TRMT2B: variants seen among roughly 807,000 people sequenced by gnomAD.
TRMT2B encodes tRNA (uracil-5-)-methyltransferase homolog B.
A neutral mutation model predicts 39.7 loss-of-function variants in TRMT2B; 34 were observed. The observed-to-expected ratio is 0.86, with a 90% CI of 0.65 to 1.14. The LOEUF (loss-of-function observed/expected upper bound fraction) is 1.14. TRMT2B is among the 50% of genes most tolerant of loss of function. The pLI is 0.00. For synonymous variants in TRMT2B, 132 were observed against 137.3 expected (o/e 0.96, Z 0.27); for missense variants, 318 against 377.2 (o/e 0.84, Z 1.30).
intron 2 of TRMT2B, among the ~76,000 whole-genome samples, chrX:101,047,172 G>A (rs1284369869): frequency 9.6e-6 from 1 of 104,000 alleles, no homozygotes. Flanking sequence ...CCATGATCAT[G>A]CTCCAGCCTG....
chrX:101,040,368 A>G (rs1255991259), intron 4 of TRMT2B, among the ~76,000 whole-genome samples: 2 of 110,504 alleles, frequency 1.8e-5, no homozygotes, highest in African/African-American at 6.6e-5. Flanking sequence ...AGTCAGATGG[A>G]AAGTTCTAAC....
chrX:101,005,087 T>C, downstream of TRMT2B, among the ~76,000 whole-genome samples: 1 of 110,789 alleles, frequency 9.0e-6, no homozygotes, highest in Non-Finnish European at 1.9e-5. Context: ...GAGGAGATCA[T>C]TCTAGATTAA....
At position 101,020,671 on chromosome X, in the gene TRMT2B, AGTTT is replaced by A. The variant is rs1031449939; in HGVS notation, c.1067-87_1067-84del. On this transcript the variant is annotated intron_variant, in intron 10 of 13. Transcript: ENST00000372936. The stretch of plus-strand genomic sequence containing the variant: ...GTTTGTTTTTTGTTTAGTTTAGTTT[AGTTT>A]GTTTGTTTGTTTTAAACAGGGTCTC... 51 of 786,747 alleles carry A rather than the reference AGTTT, an allele frequency of 6.5e-5. 1 individual carries two copies. The highest frequency in any genetic ancestry group is 3.9e-4 in the South Asian group (18 of 46,400). The allele number at this position is 786,747 out of a possible 1,213,427, so 64.8% of individuals were successfully genotyped here. A position where few individuals can be genotyped will look rare whatever the true frequency, so the allele number is the denominator to read the frequency against.
chrX:101,022,416 T>C (rs747400448), intron 8 of TRMT2B, among the ~76,000 whole-genome samples: 2 of 110,159 alleles, frequency 1.8e-5, no homozygotes, highest in Non-Finnish European at 1.9e-5. Context: ...AGGTCAGGAG[T>C]TCCAGACCAG....
chrX:101,028,082 C>A (rs1357414477), intron 7 of TRMT2B, among the ~76,000 whole-genome samples: 1 of 107,371 alleles, frequency 9.3e-6, no homozygotes, highest in Admixed American at 1.0e-4. Flanking sequence ...CAAAAAATGT[C>A]CTTGTTAGAG....
chrX:101,016,083 A>C (rs1278886199), intron 13 of TRMT2B, among the ~76,000 whole-genome samples: 1 of 111,700 alleles, frequency 9.0e-6, no homozygotes, highest in Non-Finnish European at 1.9e-5. Flanking sequence ...AAAACAAAAC[A>C]AAACAAAAAA....
chrX:100,984,291 G>GA, the TRMT2B span, among the ~76,000 whole-genome samples: 1 of 100,978 alleles, frequency 9.9e-6, no homozygotes. Context: ...GTTGTTTTTT[G>GA]TTTTTTTTTT....
At chrX:101,034,333 G>A (rs1349849038) in intron 7 of TRMT2B, among the ~76,000 whole-genome samples, 2 of 107,059 alleles carry the variant, frequency 1.9e-5, no homozygotes, top group African/African-American at 6.8e-5. Context: ...GTAGAGATGG[G>A]GTTTAGCCAT....
At chrX:101,034,702 G>A (rs1325426062) in intron 7 of TRMT2B, among the ~76,000 whole-genome samples, 1 of 111,543 alleles carries the variant, frequency 9.0e-6, no homozygotes, top group Non-Finnish European at 1.9e-5. Context: ...ACTACAGAGT[G>A]GAATTATTTC....
At chrX:101,025,007 A>G (rs1163376195) in intron 7 of TRMT2B, among the ~76,000 whole-genome samples, 1 of 110,001 alleles carries the variant, frequency 9.1e-6, no homozygotes, top group East Asian at 2.9e-4. Flanking sequence ...AAAAAGAATC[A>G]TGATCCCTGC....
intron 7 of TRMT2B, among the ~76,000 whole-genome samples, chrX:101,032,949 A>G (rs2087585029): frequency 9.0e-6 from 1 of 110,871 alleles, no homozygotes; most frequent in Non-Finnish European, 1.9e-5. Context: ...GACAGATCTT[A>G]TAAAGCATTT....
At chrX:101,039,727 G>C (rs921729802) in intron 4 of TRMT2B, among the ~76,000 whole-genome samples, 1 of 109,312 alleles carries the variant, frequency 9.1e-6, no homozygotes, top group Non-Finnish European at 1.9e-5. Flanking sequence ...GCAAAACTCT[G>C]TCTCTACAAC....
chrX:101,031,585 G>A lies in TRMT2B; in HGVS notation c.609+4028C>T, dbSNP rs562684889. ...TAGCTGGGCGTGGTGGCATGTGCCT[G>A]TAATCTCAGCTACTCGGGAGGCTGA... On this transcript the variant is annotated intron_variant, in intron 7 of 13. Coordinates refer to ENST00000372936, the MANE Select transcript of TRMT2B (RefSeq NM_024917.6). Among the ~76,000 whole-genome samples the A allele has an allele frequency of 5.0e-4, 55 of 110,850 alleles. No homozygotes were observed. The East Asian group carries it at 0.013, about 26-fold the overall frequency.
At position 101,022,545 on chromosome X, in the gene TRMT2B, C is replaced by T. The variant is rs776649365; in HGVS notation, c.757-483G>A. 1.6e-4 allele frequency among the ~76,000 whole-genome samples: 17 copies of T among 108,200 alleles called. No homozygotes were observed. In the East Asian group the frequency reaches 3.5e-3, roughly 22 times the overall value. 94.0% of individuals were successfully genotyped at this position (108,200 alleles called of 115,157 possible). On this transcript the variant is annotated intron_variant, in intron 8 of 13. Coordinates refer to ENST00000372936, the MANE Select transcript of TRMT2B (RefSeq NM_024917.6). ...CTGAGTCAGGAGAATTGCTTGAACC[C>T]GGGAGGCGGAGGTTGCAGTGAACTG...
chrX:101,037,001 C>G lies in TRMT2B; in HGVS notation c.511G>C (p.Val171Leu), dbSNP rs766602015. The change falls in exon 6 of 14, where the codon GTG becomes CTG. Residue 171 changes from valine (V) to leucine (L), a missense_variant. Coordinates refer to ENST00000372936, the MANE Select transcript of TRMT2B (RefSeq NM_024917.6). ...CTCCAAGTTCCCAGGTAGAACCCCA[C>G]AGTCTTTGGATTGCCATCTGGACCT... ...NRGPDGNPKT[V>L]GFYLGTWRDG... 1.2e-5 allele frequency: 14 copies of G among 1,211,101 alleles called. No individual in the cohort carries two copies. In the East Asian group the frequency reaches 2.1e-4, roughly 18 times the overall value.
chrX:101,046,988 T>C (rs2088718571), intron 2 of TRMT2B, among the ~76,000 whole-genome samples: 1 of 110,982 alleles, frequency 9.0e-6, no homozygotes, highest in Admixed American at 9.7e-5. Context: ...TCCCAGCACT[T>C]TGGGAGGCCA....
chrX:101,030,468 TCAGATGGAGTCTCGCTC>T (rs2087385276), intron 7 of TRMT2B, among the ~76,000 whole-genome samples: 2 of 100,099 alleles, frequency 2.0e-5, no homozygotes, highest in Admixed American at 1.1e-4. Context: ...TTTTTTTTTT[TCAGATGGAGTCTCGCTC>T]TTTTACCCAG....
chrX:101,032,551 C>T (rs769905686), intron 7 of TRMT2B, among the ~76,000 whole-genome samples: 5 of 108,212 alleles, frequency 4.6e-5, no homozygotes, highest in African/African-American at 1.7e-4. Flanking sequence ...CACGCCACTG[C>T]ACTCCAGCCT....
In TRMT2B at chrX:101,051,539, G is replaced by A; in HGVS notation, c.-312C>T. On this transcript the variant is annotated 5_prime_UTR_variant, in exon 2 of 14. Coordinates refer to ENST00000372936, the MANE Select transcript of TRMT2B (RefSeq NM_024917.6). ...AAGGGTTAACAAAGAGGAGACACTA[G>A]GAAAGGCTACCACTAAACTTGGCCG... is the stretch of plus-strand genomic sequence containing the variant. The A allele has an allele frequency of 1.3e-6, 1 of 754,520 alleles. No homozygotes were observed. The highest frequency in any genetic ancestry group is 1.6e-6 in the Non-Finnish European group (1 of 639,532). The allele number at this position is 754,520 out of a possible 1,213,427, so 62.2% of individuals were successfully genotyped here. A position where few individuals can be genotyped will look rare whatever the true frequency, so the allele number is the denominator to read the frequency against.
Sources: gnomAD v4.1 joint callset for allele counts (sites outside exome capture counted in the v4.1 genomes callset) on GRCh38, gnomAD v4.1.1 for gene constraint, MANE v1.5 for transcripts, NCBI Gene and HGNC (gene_info 2026-07-23, HGNC 2026-07-21) for gene names.